Variants in FSTL5 observed in about 807,000 individuals in gnomAD.
The protein encoded by FSTL5 is follistatin-related protein 5.
FSTL5 carries 62 observed loss-of-function variants against 89.1 expected under a neutral mutation model. The ratio of observed to expected loss-of-function variants is 0.70; its 90% CI spans 0.57 to 0.86. The LOEUF (loss-of-function observed/expected upper bound fraction) is 0.86. FSTL5 is among the 40% of genes least tolerant of loss of function. FSTL5 has a pLI of 0.00. For synonymous variants in FSTL5, 383 were observed against 346.2 expected (o/e 1.11, Z -1.18); for missense variants, 1,057 against 1,001.6 (o/e 1.06, Z -0.75).
chr4:161,888,560 T>C (rs1732887272), intron 4 of FSTL5, among the ~76,000 whole-genome samples: 1 of 152,200 alleles, frequency 6.6e-6, no homozygotes, highest in Non-Finnish European at 1.5e-5. Flanking sequence ...CCCTTGGTAT[T>C]TTCAGGAGAG....
At chr4:161,739,645 A>G (rs17638723) in intron 6 of FSTL5, among the ~76,000 whole-genome samples, 85,363 of 152,030 alleles carry the variant, frequency 0.56, 27,074 homozygotes, top group Non-Finnish European at 0.71. Context: ...TTGGTGCCCA[A>G]TGTGACTCTA....
chr4:161,661,166 G>A (rs917101816), intron 6 of FSTL5, among the ~76,000 whole-genome samples: 7 of 152,186 alleles, frequency 4.6e-5, no homozygotes, highest in Non-Finnish European at 7.4e-5. Context: ...ATGATTTTAG[G>A]AACTTTGACT....
chr4:162,145,301 C>T (rs1279593426), intron 1 of FSTL5, among the ~76,000 whole-genome samples: 1 of 151,910 alleles, frequency 6.6e-6, no homozygotes, highest in Non-Finnish European at 1.5e-5. Context: ...TCTAAAAACA[C>T]ACAAAGCGTA....
intron 5 of FSTL5, among the ~76,000 whole-genome samples, chr4:161,774,155 G>A (rs988817291): frequency 1.3e-5 from 2 of 152,072 alleles, no homozygotes; most frequent in African/African-American, 4.8e-5. Context: ...CCAGCTACTT[G>A]GGAGGCAAGA....
At chr4:161,616,928 C>T (rs1478013926) in intron 7 of FSTL5, among the ~76,000 whole-genome samples, 2 of 149,976 alleles carry the variant, frequency 1.3e-5, no homozygotes, top group African/African-American at 4.9e-5. Flanking sequence ...TATCTAGTAT[C>T]CAATTACAAA....
intron 3 of FSTL5, 119 bp downstream of exon 3, chr4:162,033,506 A>G: frequency 1.7e-6 from 1 of 596,306 alleles, no homozygotes; most frequent in Non-Finnish European, 2.9e-6. Context: ...ATCACACTGA[A>G]TATTTTTAAT....
At chr4:162,152,895 C>G (rs909029951) in intron 1 of FSTL5, among the ~76,000 whole-genome samples, 11 of 150,306 alleles carry the variant, frequency 7.3e-5, no homozygotes, top group African/African-American at 2.7e-4. Context: ...CAACATATTT[C>G]AAATACATTG....
At chr4:161,745,049 A>G (rs1740149984) in intron 6 of FSTL5, among the ~76,000 whole-genome samples, 1 of 152,022 alleles carries the variant, frequency 6.6e-6, no homozygotes, top group African/African-American at 2.4e-5. Flanking sequence ...ATACTTTCCT[A>G]AAAAGGCAAA....
intron 4 of FSTL5, among the ~76,000 whole-genome samples, chr4:161,913,890 A>G (rs1329742452): frequency 6.6e-6 from 1 of 152,158 alleles, no homozygotes; most frequent in Admixed American, 6.5e-5. Flanking sequence ...TTTTGATTTT[A>G]CAGGCTCATA....
chr4:161,587,378 CA>C (rs1733651958), intron 8 of FSTL5, 76 bp downstream of exon 8: 3 of 1,443,814 alleles, frequency 2.1e-6, no homozygotes, highest in Admixed American at 3.5e-5. Flanking sequence ...TGTAAAAACT[CA>C]AAAAATTGAA....
intron 8 of FSTL5, among the ~76,000 whole-genome samples, chr4:161,563,777 T>A (rs1426083922): frequency 6.6e-6 from 1 of 151,962 alleles, no homozygotes; most frequent in Non-Finnish European, 1.5e-5. Flanking sequence ...CTAAGGCAAA[T>A]TTGGAAAAGT....
chr4:161,484,979 A>C (rs879567573), intron 12 of FSTL5, among the ~76,000 whole-genome samples: 2 of 151,744 alleles, frequency 1.3e-5, no homozygotes, highest in Non-Finnish European at 2.9e-5. Flanking sequence ...CTTATCTTTT[A>C]ATGGTTGGAA....
At chr4:161,577,181 A>C (rs923655763) in intron 8 of FSTL5, among the ~76,000 whole-genome samples, 3 of 152,080 alleles carry the variant, frequency 2.0e-5, no homozygotes, top group Admixed American at 2.0e-4. Flanking sequence ...TATTACTTAA[A>C]ATTTCTAAAT....
chr4:161,885,851 G>T (rs2126915960), intron 4 of FSTL5, among the ~76,000 whole-genome samples: 1 of 152,196 alleles, frequency 6.6e-6, no homozygotes, highest in Admixed American at 6.5e-5. Flanking sequence ...TCCTTTGGCA[G>T]AAATCCTTAG....
chr4:161,778,650 T>A (rs989335568), intron 4 of FSTL5, among the ~76,000 whole-genome samples: 1 of 152,242 alleles, frequency 6.6e-6, no homozygotes, highest in African/African-American at 2.4e-5. Flanking sequence ...AATGTAAACT[T>A]TGTGCTGCAG....
intron 6 of FSTL5, among the ~76,000 whole-genome samples, chr4:161,716,579 A>G (rs1269879751): frequency 6.6e-6 from 1 of 152,300 alleles, no homozygotes; most frequent in East Asian, 1.9e-4. Flanking sequence ...CCTGGGCAAC[A>G]GAGCGAAACC....
intron 15 of FSTL5, among the ~76,000 whole-genome samples, chr4:161,391,910 A>C (rs1356814864): frequency 6.6e-6 from 1 of 152,208 alleles, no homozygotes; most frequent in African/African-American, 2.4e-5. Flanking sequence ...CTCCCACCTG[A>C]ATAAGTACAT....
At chr4:161,647,701 C>T (rs1387410536) in intron 7 of FSTL5, among the ~76,000 whole-genome samples, 1 of 151,976 alleles carries the variant, frequency 6.6e-6, no homozygotes, top group Non-Finnish European at 1.5e-5. Context: ...AAGCATGGTC[C>T]CTTTAAATGA....
At chr4:162,070,737 G>T (rs867904262) in intron 2 of FSTL5, among the ~76,000 whole-genome samples, 3 of 151,634 alleles carry the variant, frequency 2.0e-5, no homozygotes, top group Non-Finnish European at 4.4e-5. Flanking sequence ...AAAAAAGAAC[G>T]GGATAATGTA....
Sources: gnomAD v4.1 joint callset for allele counts (sites outside exome capture counted in the v4.1 genomes callset) on GRCh38, gnomAD v4.1.1 for gene constraint, MANE v1.5 for transcripts, NCBI Gene and HGNC (gene_info 2026-07-23, HGNC 2026-07-21) for gene names.